Variants in ATF3 observed in about 807,000 individuals in gnomAD.
ATF3 encodes the protein cyclic AMP-dependent transcription factor ATF-3.
Under a neutral mutation model 18.4 loss-of-function variants are expected in ATF3, and 10 were observed. The ratio of observed to expected loss-of-function variants is 0.54; its 90% CI spans 0.34 to 0.92. The LOEUF is 0.92. Ranked by LOEUF, ATF3 falls within the 40% of genes least tolerant of loss-of-function variation. The probability of loss-of-function intolerance (pLI) is 0.02; values close to 1 mark genes in which losing one functional copy is unlikely to be tolerated. For synonymous variants in ATF3, 78 were observed against 87.9 expected (o/e 0.89, Z 0.63); for missense variants, 183 against 222.3 (o/e 0.82, Z 1.12).
At chr1:212,594,794 G>A (rs1664958060) in intron 1 of ATF3, among the ~76,000 whole-genome samples, 2 of 152,198 alleles carry the variant, frequency 1.3e-5, no homozygotes, top group Non-Finnish European at 2.9e-5. Flanking sequence ...TGTGCTTTGT[G>A]GGCTGAAGCT....
chr1:212,592,003 A>G (rs1024581892), intron 1 of ATF3, among the ~76,000 whole-genome samples: 3 of 152,220 alleles, frequency 2.0e-5, no homozygotes, highest in Non-Finnish European at 1.5e-5. Context: ...TACAAAGTAC[A>G]TAACATAAAA....
chr1:212,575,659 T>C (rs1571757701), intron 1 of ATF3, among the ~76,000 whole-genome samples: 1 of 152,162 alleles, frequency 6.6e-6, no homozygotes, highest in Non-Finnish European at 1.5e-5. Flanking sequence ...TTTTGATGTA[T>C]AGCCTTTGTC....
chr1:212,614,294 T>A (rs1655009032), intron 1 of ATF3, among the ~76,000 whole-genome samples: 1 of 152,176 alleles, frequency 6.6e-6, no homozygotes, highest in African/African-American at 2.4e-5. Context: ...CACAATACAG[T>A]GCCTCACTTT....
intron 1 of ATF3, 122 bp downstream of exon 1, chr1:212,609,052 C>A (rs1336577770): frequency 1.3e-5 from 2 of 152,334 alleles, no homozygotes; most frequent in Admixed American, 6.5e-5. Context: ...CCCCCAGCCT[C>A]CGGCTTGGAA....
chr1:212,581,960 C>A (rs560587177), intron 1 of ATF3, among the ~76,000 whole-genome samples: 1 of 152,248 alleles, frequency 6.6e-6, no homozygotes. Flanking sequence ...CAATTCATAA[C>A]AAGCACATTG....
chr1:212,609,182 C>G (rs1207508036), intron 1 of ATF3, among the ~76,000 whole-genome samples: 1 of 152,256 alleles, frequency 6.6e-6, no homozygotes, highest in Non-Finnish European at 1.5e-5. Context: ...TTCCTGGTGA[C>G]GGAGGTCGGG....
At chr1:212,585,197 C>T (rs761027916) in intron 1 of ATF3, among the ~76,000 whole-genome samples, 7 of 152,138 alleles carry the variant, frequency 4.6e-5, no homozygotes, top group Admixed American at 1.3e-4. Context: ...GAAAGGTGAG[C>T]GGGGCTCCTG....
At chr1:212,590,453 T>C (rs1461280722) in intron 1 of ATF3, among the ~76,000 whole-genome samples, 1 of 152,216 alleles carries the variant, frequency 6.6e-6, no homozygotes, top group Non-Finnish European at 1.5e-5. Context: ...TAAGCATACT[T>C]TTTGGAGTTA....
intron 1 of ATF3, among the ~76,000 whole-genome samples, chr1:212,582,003 T>C (rs1159846638): frequency 1.3e-5 from 2 of 152,186 alleles, no homozygotes; most frequent in Non-Finnish European, 2.9e-5. Context: ...CTGAAATGTG[T>C]GAAGAATGCT....
At chr1:212,604,122 T>G (rs1292069240), upstream of ATF3, among the ~76,000 whole-genome samples, 1 of 152,228 alleles carries the variant, frequency 6.6e-6, no homozygotes, top group African/African-American at 2.4e-5. Context: ...CAAATCACTT[T>G]CACATCTACT....
upstream of ATF3, among the ~76,000 whole-genome samples, chr1:212,604,601 G>T (rs570980151): frequency 3.3e-5 from 5 of 152,288 alleles, no homozygotes; most frequent in East Asian, 1.9e-4. Flanking sequence ...GGGAAGAAAG[G>T]TTGCAGAAAT....
rs1315692334 is a variant in ATF3 at position 212,619,101 on chromosome 1, A to C, written c.349-257A>C. 38 of 1,613,990 alleles carry C rather than the reference A, an allele frequency of 2.4e-5. No individual in the cohort carries two copies. The highest frequency in any genetic ancestry group is 3.1e-5 in the Non-Finnish European group (37 of 1,180,018). On this transcript the variant is annotated intron_variant, in intron 3 of 3. Coordinates refer to ENST00000341491, the MANE Select transcript of ATF3 (RefSeq NM_001674.4). This position sits in a 1 kb window ranked among gnomAD's most constrained non-coding sequence, Gnocchi z 4.4. Reference sequence around the variant, plus strand: ...TGCATATGGGCTGTTGACTCATGCAAATGAGGTATCTGAACTGCAGCTTCA... The same window carrying C: ...TGCATATGGGCTGTTGACTCATGCACATGAGGTATCTGAACTGCAGCTTCA...
intron 1 of ATF3, among the ~76,000 whole-genome samples, chr1:212,583,919 C>T (rs1455473281): frequency 6.6e-6 from 1 of 152,084 alleles, no homozygotes; most frequent in African/African-American, 2.4e-5. Context: ...AGGTATTTAC[C>T]AAGTATCTAC....
intron 2 of ATF3, among the ~76,000 whole-genome samples, chr1:212,616,828 A>C (rs1655150437): frequency 6.6e-6 from 1 of 152,130 alleles, no homozygotes; most frequent in Non-Finnish European, 1.5e-5. Context: ...GAGAAAGGGA[A>C]GACTCAAGGG....
intron 1 of ATF3, among the ~76,000 whole-genome samples, chr1:212,581,032 G>T (rs1259665762): frequency 6.6e-6 from 1 of 151,668 alleles, no homozygotes; most frequent in Non-Finnish European, 1.5e-5. Flanking sequence ...GCCTCCCAAA[G>T]TGATGGGATG....
intron 1 of ATF3, among the ~76,000 whole-genome samples, chr1:212,569,593 A>ATTTTTTTTGGC (rs1558222572): frequency 1.3e-5 from 2 of 150,946 alleles, no homozygotes; most frequent in African/African-American, 4.9e-5. Flanking sequence ...GAACCAGTAA[A>ATTTTTTTTGGC]TTTTTTTTTG....
chr1:212,609,519 C>T (rs1218470903), intron 1 of ATF3, among the ~76,000 whole-genome samples: 1 of 152,230 alleles, frequency 6.6e-6, no homozygotes, highest in Admixed American at 6.5e-5. Flanking sequence ...GGGTACCCCG[C>T]AGCACTGGCG....
intron 1 of ATF3, among the ~76,000 whole-genome samples, chr1:212,575,294 G>A (rs1189837396): frequency 6.6e-6 from 1 of 151,942 alleles, no homozygotes; most frequent in Non-Finnish European, 1.5e-5. Flanking sequence ...TAGGTGCCAT[G>A]TAATTTCTGT....
intron 1 of ATF3, among the ~76,000 whole-genome samples, chr1:212,585,907 T>C (rs1664771319): frequency 6.6e-6 from 1 of 152,086 alleles, no homozygotes; most frequent in African/African-American, 2.4e-5. Context: ...TGTTGAGGTG[T>C]GAGGTTCCCC....
Sources: allele counts gnomAD v4.1 joint callset (sites outside exome capture counted in the v4.1 genomes callset), GRCh38; gene constraint gnomAD v4.1.1; non-coding constraint Gnocchi (gnomAD v3.1); transcripts MANE v1.5; gene names NCBI Gene and HGNC (gene_info 2026-07-23, HGNC 2026-07-21).